Variants in WDFY2 observed in about 807,000 individuals in gnomAD.
WDFY2 encodes WD repeat and FYVE domain-containing protein 2.
Under a neutral mutation model 56.4 loss-of-function variants are expected in WDFY2, and 36 were observed. The ratio of observed to expected loss-of-function variants is 0.64; its 90% confidence interval spans 0.49 to 0.84. The LOEUF (loss-of-function observed/expected upper bound fraction) is 0.84. WDFY2 is among the 40% of genes least tolerant of loss of function. The pLI, the probability that WDFY2 is intolerant of heterozygous loss-of-function variation, is 0.00. For missense variants in WDFY2, 444 were observed against 512.2 expected (o/e 0.87, Z 1.29); for synonymous variants, 176 against 183.7 (o/e 0.96, Z 0.34).
chr13:51,595,227 G>C (rs957514232), intron 1 of WDFY2, among the ~76,000 whole-genome samples: 5 of 152,184 alleles, frequency 3.3e-5, no homozygotes, highest in Admixed American at 3.3e-4. Context: ...AGCAGGGGCT[G>C]TGTCTTCCAT....
chr13:51,748,462 A>C (rs1459626180), intron 7 of WDFY2, among the ~76,000 whole-genome samples: 1 of 152,226 alleles, frequency 6.6e-6, no homozygotes, highest in East Asian at 1.9e-4. Context: ...AGAGTTGTCA[A>C]GGGAATTTTA....
chr13:51,619,530 G>A (rs1212814426), intron 1 of WDFY2, among the ~76,000 whole-genome samples: 1 of 151,978 alleles, frequency 6.6e-6, no homozygotes, highest in African/African-American at 2.4e-5. Context: ...AGGACTTTCA[G>A]ATACAACTGG....
intron 1 of WDFY2, among the ~76,000 whole-genome samples, chr13:51,604,923 G>T (rs1954356167): frequency 6.6e-6 from 1 of 152,200 alleles, no homozygotes; most frequent in African/African-American, 2.4e-5. Flanking sequence ...TAAGAGCAAG[G>T]ATTGGGTCAG....
intron 3 of WDFY2, among the ~76,000 whole-genome samples, chr13:51,679,785 C>T (rs759463945): frequency 6.6e-6 from 1 of 152,080 alleles, no homozygotes; most frequent in Non-Finnish European, 1.5e-5. Flanking sequence ...GTAGAACATT[C>T]CTCCTTGCTT....
At position 51,765,499 on chromosome 13, in the gene WDFY2, TA is replaced by T. The variant is rs1325074930; in HGVS notation, c.*5733del. On this transcript the variant is annotated 3_prime_UTR_variant, in exon 12 of 12. Coordinates refer to ENST00000298125, the MANE Select transcript of WDFY2 (RefSeq NM_052950.4). ...TTGCCAGAGATGTTGAAAGGGAGAT[TA>T]AAGGCTTGAGGGATGAATTTGATCA... The T allele has an allele frequency of 1.3e-5, 2 of 152,204 alleles. No homozygotes were observed. The allele number at this position is 152,204 out of a possible 1,614,324, so 9.4% of individuals were successfully genotyped here. A position where few individuals can be genotyped will look rare whatever the true frequency, so the allele number is the denominator to read the frequency against.
intron 1 of WDFY2, chr13:51,599,327 A>G (rs1954220536): frequency 1.3e-5 from 2 of 152,326 alleles, no homozygotes; most frequent in Non-Finnish European, 2.9e-5. Context: ...CTGGACTATC[A>G]TATCTCTGTG....
chr13:51,756,495 T>G, intron 10 of WDFY2, 33 bp downstream of exon 10: 1 of 1,598,580 alleles, frequency 6.3e-7, no homozygotes, highest in Non-Finnish European at 8.5e-7. Context: ...CCGCTTCAGG[T>G]TAAGGCGAGA....
intron 1 of WDFY2, among the ~76,000 whole-genome samples, chr13:51,601,119 A>G (rs1339063997): frequency 1.3e-5 from 2 of 152,210 alleles, no homozygotes; most frequent in Admixed American, 1.3e-4. Context: ...CTCCAAGTAA[A>G]AACACATGGC....
intron 1 of WDFY2, among the ~76,000 whole-genome samples, chr13:51,649,113 C>T (rs938529306): frequency 1.3e-5 from 2 of 152,184 alleles, no homozygotes; most frequent in African/African-American, 4.8e-5. Context: ...TGCCATTGCA[C>T]TCCAGCCTGG....
intron 1 of WDFY2, among the ~76,000 whole-genome samples, chr13:51,598,936 G>A (rs1954211546): frequency 7.2e-6 from 1 of 138,906 alleles, no homozygotes; most frequent in South Asian, 2.3e-4. Context: ...TTGAGACAGA[G>A]TCTCGCTCTG....
Position 51,759,789 on chromosome 13 carries a change from A to G in WDFY2, c.*20A>G. On this transcript the variant is annotated 3_prime_UTR_variant, in exon 12 of 12. Transcript: ENST00000298125. ...TCTTGATGACTCTCCCAGGAATCAG[A>G]AAGATAGTATTTACTAAAGAAACGG... is the stretch of plus-strand genomic sequence containing the variant. 1 of 1,613,262 alleles carries G rather than the reference A, an allele frequency of 6.2e-7. No individual in the cohort carries two copies. The highest frequency in any genetic ancestry group is 8.5e-7 in the Non-Finnish European group (1 of 1,179,392).
intron 5 of WDFY2, among the ~76,000 whole-genome samples, chr13:51,725,092 C>T (rs938952838): frequency 1.3e-5 from 2 of 152,122 alleles, no homozygotes; most frequent in African/African-American, 4.8e-5. Flanking sequence ...ATTTCTTATT[C>T]AAATTTAACA....
chr13:51,666,349 A>G (rs1566094567), intron 2 of WDFY2, among the ~76,000 whole-genome samples: 1 of 152,156 alleles, frequency 6.6e-6, no homozygotes, highest in Non-Finnish European at 1.5e-5. Context: ...TGCCCCTTTT[A>G]TGAAGGAGCA....
chr13:51,589,129 C>G (rs965106347), intron 1 of WDFY2: 11 of 152,150 alleles, frequency 7.2e-5, no homozygotes, highest in Non-Finnish European at 1.3e-4. Flanking sequence ...CAATGCCTAG[C>G]ACAAAGGAGA....
Position 51,719,131 on chromosome 13 carries a change from G to A in WDFY2, c.335-67G>A, listed in dbSNP as rs913951074. 8.1e-6 allele frequency: 13 copies of A among 1,604,662 alleles called. No individual in the cohort carries two copies. In the African/African-American group the frequency reaches 1.7e-4, roughly 21 times the overall value. The stretch of plus-strand genomic sequence containing the variant: ...GGGGAGAAGAGAATGGTGCATCTCT[G>A]TGGGCCATGTTCTTCCAACCTCCTT... On this transcript the variant is annotated intron_variant, in intron 4 of 11. Coordinates refer to ENST00000298125, the MANE Select transcript of WDFY2 (RefSeq NM_052950.4).
At chr13:51,691,605 T>C (rs1956158489) in intron 3 of WDFY2, among the ~76,000 whole-genome samples, 1 of 152,138 alleles carries the variant, frequency 6.6e-6, no homozygotes, top group African/African-American at 2.4e-5. Flanking sequence ...TGTAGCCTTG[T>C]AGTATAGTTT....
chr13:51,649,546 G>C (rs1955328677), intron 1 of WDFY2, among the ~76,000 whole-genome samples: 2 of 151,450 alleles, frequency 1.3e-5, no homozygotes, highest in African/African-American at 4.9e-5. Flanking sequence ...TTTAACATTA[G>C]GTATATCTCC....
At chr13:51,621,303 G>A (rs1473569539) in intron 1 of WDFY2, among the ~76,000 whole-genome samples, 1 of 152,136 alleles carries the variant, frequency 6.6e-6, no homozygotes, top group Non-Finnish European at 1.5e-5. Context: ...TCAAGAGTCC[G>A]AGACCAGCCT....
intron 1 of WDFY2, among the ~76,000 whole-genome samples, chr13:51,595,528 T>A (rs1165856520): frequency 3.3e-5 from 5 of 152,174 alleles, no homozygotes; most frequent in African/African-American, 1.2e-4. Flanking sequence ...GCTCTGCCTG[T>A]TGGGGCTAAG....
Sources: gnomAD v4.1 joint callset for allele counts (sites outside exome capture counted in the v4.1 genomes callset) on GRCh38, gnomAD v4.1.1 for gene constraint, MANE v1.5 for transcripts, NCBI Gene and HGNC (gene_info 2026-07-23, HGNC 2026-07-21) for gene names.